Variants in ANO3 observed in about 807,000 individuals in gnomAD.
ANO3 encodes anoctamin 3.
ANO3 carries 99 observed loss-of-function variants against 144.8 expected under a neutral mutation model. The ratio of observed to expected loss-of-function variants is 0.68; its 90% CI spans 0.58 to 0.81. The LOEUF (loss-of-function observed/expected upper bound fraction) is 0.81, where lower values mean the gene tolerates loss of function less well. ANO3 is among the 30% of genes least tolerant of loss of function. ANO3 has a pLI of 0.00. For synonymous variants in ANO3, 414 were observed against 392.6 expected (o/e 1.05, Z -0.64); for missense variants, 905 against 1,202.2 (o/e 0.75, Z 3.66).
In ANO3 at chr11:26,594,039, T is replaced by C. The variant is rs1197084353; in HGVS notation, c.1448-4326T>C. On this transcript the variant is annotated intron_variant, in intron 14 of 26. Transcript: ENST00000256737. Reference sequence around the variant, plus strand: ...TCCTTTAAGATTACCTGGCCGTCAATAGAGTCAGGTGACAGAGAGGTATGC... The same window carrying C: ...TCCTTTAAGATTACCTGGCCGTCAACAGAGTCAGGTGACAGAGAGGTATGC... 2.6e-5 allele frequency among the ~76,000 whole-genome samples: 4 copies of C among 152,284 alleles called. No individual in the cohort carries two copies. In the East Asian group the frequency reaches 7.7e-4, roughly 29 times the overall value.
chr11:26,537,220 A>C (rs1382926076), intron 9 of ANO3, among the ~76,000 whole-genome samples, 186 bp from the exon 10 acceptor site: 2 of 152,168 alleles, frequency 1.3e-5, no homozygotes, highest in African/African-American at 2.4e-5. Flanking sequence ...TCATAAGGAC[A>C]TAACTAGATG....
intron 1 of ANO3, among the ~76,000 whole-genome samples, chr11:26,233,374 A>T (rs1236999278): frequency 6.6e-6 from 1 of 152,232 alleles, no homozygotes; most frequent in Non-Finnish European, 1.5e-5. Context: ...GAGAAATGCA[A>T]ATCAAAACCA....
chr11:26,357,680 A>G (rs1008834062), intron 1 of ANO3, among the ~76,000 whole-genome samples: 1 of 152,064 alleles, frequency 6.6e-6, no homozygotes, highest in African/African-American at 2.4e-5. Flanking sequence ...TATAGAGAAA[A>G]TGTTTCTAAT....
At chr11:26,651,892 A>T (rs925315919) in intron 24 of ANO3, among the ~76,000 whole-genome samples, 1 of 152,214 alleles carries the variant, frequency 6.6e-6, no homozygotes, top group African/African-American at 2.4e-5. Flanking sequence ...TGTAAAAATT[A>T]ATTTTAACAA....
chr11:26,504,695 C>T (rs977056520), intron 4 of ANO3, among the ~76,000 whole-genome samples: 6 of 151,778 alleles, frequency 4.0e-5, no homozygotes, highest in Non-Finnish European at 5.9e-5. Flanking sequence ...TGGGATAACT[C>T]GGCTGTCATG....
chr11:26,310,306 T>G (rs1854476248), intron 1 of ANO3, among the ~76,000 whole-genome samples: 2 of 152,124 alleles, frequency 1.3e-5, no homozygotes, highest in Admixed American at 1.3e-4. Flanking sequence ...GAGAGAGCAA[T>G]TCTATTGGTT....
At chr11:26,249,044 ACTGTCG>A (rs1852864899) in intron 1 of ANO3, among the ~76,000 whole-genome samples, 1 of 152,196 alleles carries the variant, frequency 6.6e-6, no homozygotes, top group South Asian at 2.1e-4. Context: ...AAGGTTGGAG[ACTGTCG>A]CTTTAGATGT....
At chr11:26,227,289 G>A (rs1852276551) in intron 1 of ANO3, among the ~76,000 whole-genome samples, 1 of 152,098 alleles carries the variant, frequency 6.6e-6, no homozygotes, top group African/African-American at 2.4e-5. Flanking sequence ...TTATACTGTT[G>A]TCTCATGCAT....
chr11:26,655,393 G>T (rs1488402651), intron 24 of ANO3, among the ~76,000 whole-genome samples: 1 of 152,152 alleles, frequency 6.6e-6, no homozygotes, highest in East Asian at 1.9e-4. Context: ...CCCTAGGAAG[G>T]ACTTTTCTCT....
At chr11:26,210,500 C>CT (rs1365267322) in intron 1 of ANO3, among the ~76,000 whole-genome samples, 7 of 151,968 alleles carry the variant, frequency 4.6e-5, no homozygotes, top group African/African-American at 1.7e-4. Flanking sequence ...TTTAAAGTAG[C>CT]TTTTTCCAAT....
intron 1 of ANO3, among the ~76,000 whole-genome samples, chr11:26,402,968 G>T (rs1429807421): frequency 6.6e-6 from 1 of 151,934 alleles, no homozygotes; most frequent in Non-Finnish European, 1.5e-5. Flanking sequence ...ATAATTGTTT[G>T]ATATGTCTCT....
chr11:26,559,835 TACACACACACACACACACAC>T, intron 14 of ANO3, 56 bp downstream of exon 14: 4 of 660,906 alleles, frequency 6.1e-6, no homozygotes, highest in Non-Finnish European at 8.1e-6. Context: ...GTTTCTGTGT[TACACACACACACACACACAC>T]ACACACACAC....
upstream of ANO3, among the ~76,000 whole-genome samples, chr11:26,304,823 T>G (rs1204965564): frequency 3.9e-5 from 6 of 152,150 alleles, no homozygotes; most frequent in African/African-American, 1.4e-4. Context: ...AAAGAGAGAT[T>G]CCCAGAAGTG....
At chr11:26,270,943 G>A (rs1853425683) in intron 1 of ANO3, among the ~76,000 whole-genome samples, 1 of 152,190 alleles carries the variant, frequency 6.6e-6, no homozygotes, top group Non-Finnish European at 1.5e-5. Flanking sequence ...ACATGTTCAG[G>A]ACACTCCTAT....
chr11:26,228,052 C>T (rs1241399357), intron 1 of ANO3, among the ~76,000 whole-genome samples: 1 of 152,170 alleles, frequency 6.6e-6, no homozygotes, highest in African/African-American at 2.4e-5. Context: ...TTCAATAAGT[C>T]AGAGACAGTG....
At chr11:26,575,956 AAAC>A (rs1427596837) in intron 14 of ANO3, among the ~76,000 whole-genome samples, 7 of 152,360 alleles carry the variant, frequency 4.6e-5, no homozygotes, top group Admixed American at 1.3e-4. Context: ...TTTAAAAAAT[AAAC>A]AATACTTTCT....
chr11:26,450,033 G>C (rs2134035496), intron 3 of ANO3, among the ~76,000 whole-genome samples: 1 of 152,260 alleles, frequency 6.6e-6, no homozygotes, highest in Middle Eastern at 3.4e-3. Context: ...TGGGATTTCA[G>C]GGGTGAGCCA....
chr11:26,557,846 C>A (rs1244491617), intron 13 of ANO3, among the ~76,000 whole-genome samples: 1 of 152,270 alleles, frequency 6.6e-6, no homozygotes, highest in African/African-American at 2.4e-5. Flanking sequence ...AAGCTATAAC[C>A]ACAGACCTCG....
intron 1 of ANO3, among the ~76,000 whole-genome samples, chr11:26,391,697 T>C (rs1183978576): frequency 2.6e-5 from 4 of 152,240 alleles, no homozygotes; most frequent in Non-Finnish European, 4.4e-5. Flanking sequence ...TTCTTGTTCG[T>C]TGTTTAGAAC....
Sources: allele counts gnomAD v4.1 joint callset (sites outside exome capture counted in the v4.1 genomes callset), GRCh38; gene constraint gnomAD v4.1.1; transcripts MANE v1.5; gene names NCBI Gene and HGNC (gene_info 2026-07-23, HGNC 2026-07-21).